Variants in RXFP1 observed in about 807,000 individuals in gnomAD.
The protein encoded by RXFP1 is relaxin family peptide receptor 1.
In RXFP1, 73 loss-of-function variants were observed where a neutral mutation model predicts 89.8. The observed-to-expected ratio is 0.81, with a 90% CI of 0.67 to 0.99. RXFP1 has a LOEUF of 0.99. Ranked by LOEUF, RXFP1 falls within the 50% of genes least tolerant of loss-of-function variation. The pLI is 0.00. For synonymous variants in RXFP1, 277 were observed against 305.5 expected, an observed-to-expected ratio of 0.91 and a Z score of 0.97; for missense variants, 793 against 895.5, an observed-to-expected ratio of 0.89 and a Z score of 1.46.
Position 158,601,280 on chromosome 4 carries a change from A to C in RXFP1, c.392+1849A>C, listed in dbSNP as rs552624506. Among the ~76,000 whole-genome samples, 7 of 152,278 alleles carry C rather than the reference A, an allele frequency of 4.6e-5. 1 individual carries two copies. The South Asian group carries it at 1.5e-3, about 32-fold the overall frequency. On this transcript the variant is annotated intron_variant, in intron 4 of 17. Coordinates refer to ENST00000307765, the MANE Select transcript of RXFP1 (RefSeq NM_021634.4). ...ATTGTCTGCAAGAAGGCAAGAAAGA[A>C]GGAGTCAGAGATGACTCCAAGGTTT...
intron 1 of RXFP1, among the ~76,000 whole-genome samples, chr4:158,564,566 G>C (rs1753156939): frequency 6.6e-6 from 1 of 152,130 alleles, no homozygotes; most frequent in Non-Finnish European, 1.5e-5. Context: ...AAGATAATTT[G>C]TACTGAAATA....
chr4:158,633,212 G>T (rs1194399009), intron 11 of RXFP1, among the ~76,000 whole-genome samples, 193 bp from the exon 12 acceptor site: 1 of 151,662 alleles, frequency 6.6e-6, no homozygotes, highest in Non-Finnish European at 1.5e-5. Context: ...GTCTTCCAGG[G>T]GATGATGAAA....
chr4:158,561,118 T>C (rs2149938264), intron 1 of RXFP1, among the ~76,000 whole-genome samples: 1 of 152,302 alleles, frequency 6.6e-6, no homozygotes, highest in Middle Eastern at 3.4e-3. Context: ...ATAAAACCAA[T>C]CTCCTTCACT....
At chr4:158,593,587 G>T (rs1759958638) in intron 3 of RXFP1, 88 bp downstream of exon 3, 1 of 667,668 alleles carries the variant, frequency 1.5e-6, no homozygotes. Flanking sequence ...AAAAAAGATT[G>T]CATCTCAATC....
Position 158,633,408 on chromosome 4 carries a change from T to C in RXFP1, c.903T>C (p.Asp301=). 6.4e-7 allele frequency: 1 copy of C among 1,574,562 alleles called. No individual in the cohort carries two copies. The highest frequency in any genetic ancestry group is 1.3e-5 in the African/African-American group (1 of 74,128). ...FAPLQKLDEL[D]LGSNKIENLP... is the part of the protein sequence containing the mutation. ...ATATTTGCAATTATTTCTCCAGGGATTTAGGAAGTAATAAGATTGAAAATC... is the reference window on the plus strand; with the variant it reads ...ATATTTGCAATTATTTCTCCAGGGACTTAGGAAGTAATAAGATTGAAAATC... Residue 301 remains aspartate (D), a synonymous_variant, in exon 12 of 18, where the codon GAT becomes GAC. Transcript: ENST00000307765.
intron 1 of RXFP1, among the ~76,000 whole-genome samples, chr4:158,545,065 C>T (rs2149849921): frequency 6.6e-6 from 1 of 151,672 alleles, no homozygotes. Context: ...GTCCCACCAA[C>T]AGTGTAAAAG....
At chr4:158,636,193 A>G (rs1382920476) in intron 12 of RXFP1, among the ~76,000 whole-genome samples, 1 of 152,120 alleles carries the variant, frequency 6.6e-6, no homozygotes, top group Admixed American at 6.6e-5. Flanking sequence ...GAGTTTGAGT[A>G]CAGCCTGAGC....
intron 2 of RXFP1, among the ~76,000 whole-genome samples, chr4:158,587,936 C>T (rs1048994955): frequency 1.3e-5 from 2 of 152,122 alleles, no homozygotes; most frequent in African/African-American, 4.8e-5. Flanking sequence ...GAATGAAAGT[C>T]TCTCAAAGAA....
Position 158,563,532 on chromosome 4 carries a change from ACACACC to A in RXFP1, c.50-9164_50-9159del, listed in dbSNP as rs370110925. 5.8e-3 allele frequency among the ~76,000 whole-genome samples: 640 copies of A among 110,656 alleles called. 23 individuals are homozygous for A. Among genetic ancestry groups the A allele is most frequent in the Admixed American group, 0.051 (541 of 10,620 alleles). 72.6% of individuals were successfully genotyped at this position (110,656 alleles called of 152,430 possible). A position where few individuals can be genotyped will look rare whatever the true frequency, so the allele number is the denominator to read the frequency against. On this transcript the variant is annotated intron_variant, in intron 1 of 17. Coordinates refer to ENST00000307765, the MANE Select transcript of RXFP1 (RefSeq NM_021634.4). ...CACACACACACACACACACACACAC[ACACACC>A]CCAACAGGAATACTGAAATAAATCT...
chr4:158,638,811 C>CAAAAA (rs57989269), intron 13 of RXFP1, among the ~76,000 whole-genome samples: 1 of 128,092 alleles, frequency 7.8e-6, no homozygotes, highest in Admixed American at 8.1e-5. Flanking sequence ...GACCCTGTCT[C>CAAAAA]AAAAAAAAAA....
intron 3 of RXFP1, among the ~76,000 whole-genome samples, chr4:158,594,378 A>G (rs1760120687): frequency 6.6e-6 from 1 of 151,750 alleles, no homozygotes; most frequent in South Asian, 2.1e-4. Context: ...ACTCTGTGTT[A>G]TTTTCTGGGG....
chr4:158,537,713 A>G (rs548639879), intron 1 of RXFP1, among the ~76,000 whole-genome samples: 1 of 152,352 alleles, frequency 6.6e-6, no homozygotes, highest in South Asian at 2.1e-4. Context: ...AATGATGGAC[A>G]ACTCCAGAAA....
At chr4:158,648,895 T>C (rs1772086041) in intron 17 of RXFP1, among the ~76,000 whole-genome samples, 178 bp downstream of exon 17, 1 of 152,164 alleles carries the variant, frequency 6.6e-6, no homozygotes, top group South Asian at 2.1e-4. Flanking sequence ...GGCAGCTCAC[T>C]TGAGGTCAGG....
intron 9 of RXFP1, among the ~76,000 whole-genome samples, chr4:158,619,927 G>C (rs941585881): frequency 1.3e-5 from 2 of 152,122 alleles, no homozygotes; most frequent in Admixed American, 6.5e-5. Context: ...TTGGCTTCTG[G>C]AGAAGGGGGA....
chr4:158,546,582 T>C (rs1328311994), intron 1 of RXFP1, among the ~76,000 whole-genome samples: 1 of 152,216 alleles, frequency 6.6e-6, no homozygotes, highest in Non-Finnish European at 1.5e-5. Flanking sequence ...ATATTGGCTG[T>C]GGGTTTGTCA....
chr4:158,565,537 T>A (rs1402283379), intron 1 of RXFP1, among the ~76,000 whole-genome samples: 1 of 152,028 alleles, frequency 6.6e-6, no homozygotes, highest in Non-Finnish European at 1.5e-5. Flanking sequence ...GCAGGGAAAA[T>A]GCAAGATGAT....
In RXFP1 at chr4:158,577,018, CTT is replaced by C. The variant is rs1254148648; in HGVS notation, c.187+4184_187+4185del. ...ATGCTCCCAAGGCTGTTCTTTTCTT[CTT>C]CTTCTTCTTCTTCTTCTTCTTTCTT... On this transcript the variant is annotated intron_variant, in intron 2 of 17. Coordinates refer to ENST00000307765, the MANE Select transcript of RXFP1 (RefSeq NM_021634.4). 5.0e-4 allele frequency among the ~76,000 whole-genome samples: 74 copies of C among 146,938 alleles called. 1 individual carries two copies. Among genetic ancestry groups the C allele is most frequent in the Non-Finnish European group, 4.3e-4 (29 of 67,408 alleles).
chr4:158,637,987 G>C (rs1202762211), intron 12 of RXFP1, 21 bp from the exon 13 acceptor site: 1 of 1,501,590 alleles, frequency 6.7e-7, no homozygotes, highest in East Asian at 2.3e-5. Flanking sequence ...ATGACCTATT[G>C]CTGCTTTTTT....
At chr4:158,530,989 G>C (rs1719768406) in intron 1 of RXFP1, among the ~76,000 whole-genome samples, 1 of 152,142 alleles carries the variant, frequency 6.6e-6, no homozygotes, top group African/African-American at 2.4e-5. Context: ...ACGTTAGCAG[G>C]TTCAATTTGA....
Sources: gnomAD v4.1 joint callset for allele counts (sites outside exome capture counted in the v4.1 genomes callset) on GRCh38, gnomAD v4.1.1 for gene constraint, MANE v1.5 for transcripts, NCBI Gene and HGNC (gene_info 2026-07-23, HGNC 2026-07-21) for gene names.